ELF5: variants seen among roughly 807,000 people sequenced by gnomAD.
ELF5 encodes the protein ETS-related transcription factor Elf-5.
In ELF5, 31 loss-of-function variants were observed where a neutral mutation model predicts 38.2. The ratio of observed to expected loss-of-function variants is 0.81; its 90% CI spans 0.61 to 1.10. ELF5 has a LOEUF of 1.10. ELF5 is among the 50% of genes least tolerant of loss of function. ELF5 has a pLI of 0.00. For synonymous variants in ELF5, 121 were observed against 112.5 expected (o/e 1.08, Z -0.48); for missense variants, 300 against 306.6 (o/e 0.98, Z 0.16).
At chr11:34,509,761 C>T (rs1850705600) in intron 1 of ELF5, among the ~76,000 whole-genome samples, 1 of 152,134 alleles carries the variant, frequency 6.6e-6, no homozygotes, top group Non-Finnish European at 1.5e-5. Context: ...CAAATATATC[C>T]CTTTTCTTCT....
At chr11:34,490,137 G>A in intron 3 of ELF5, 78 bp from the exon 4 acceptor site, 2 of 1,452,708 alleles carry the variant, frequency 1.4e-6, no homozygotes, top group Non-Finnish European at 1.9e-6. Context: ...AGGGGGTGTT[G>A]GAGGGAAGTG....
chr11:34,503,917 A>G (rs958930219), intron 2 of ELF5, among the ~76,000 whole-genome samples: 14 of 152,248 alleles, frequency 9.2e-5, no homozygotes, highest in African/African-American at 3.4e-4. Context: ...TGAGAGGTTA[A>G]GATGACACAG....
chr11:34,505,519 C>T, intron 2 of ELF5, 110 bp downstream of exon 2: 1 of 1,524,396 alleles, frequency 6.6e-7, no homozygotes, highest in Non-Finnish European at 8.9e-7. Flanking sequence ...GCCCTGAACT[C>T]TGGTGTTCCT....
chr11:34,485,624 G>A (rs181912782), intron 4 of ELF5, among the ~76,000 whole-genome samples: 72 of 152,342 alleles, frequency 4.7e-4, no homozygotes, highest in Non-Finnish European at 8.1e-4. Context: ...CAGCATGAGA[G>A]GGGTTTATGA....
chr11:34,503,283 C>T lies in ELF5; in HGVS notation c.121+2346G>A, dbSNP rs779339151. ...AAGGGATCCTCCTGTCTCAGCCTCC[C>T]GAGTAGCTGGGACTACAGGTGCGTG... On this transcript the variant is annotated intron_variant, in intron 2 of 6. Coordinates refer to ENST00000257832, the MANE Select transcript of ELF5 (RefSeq NM_001422.4). 1.2e-3 allele frequency among the ~76,000 whole-genome samples: 190 copies of T among 152,020 alleles called. 2 individuals carry two copies. Among genetic ancestry groups the T allele is most frequent in the Non-Finnish European group, 1.9e-3 (130 of 67,994 alleles).
chr11:34,487,872 G>C (rs796869214), intron 4 of ELF5, among the ~76,000 whole-genome samples: 1 of 152,140 alleles, frequency 6.6e-6, no homozygotes, highest in Non-Finnish European at 1.5e-5. Flanking sequence ...AACTGGCCCC[G>C]TGTGGCTAGT....
chr11:34,499,047 C>T (rs1032959893), intron 2 of ELF5, among the ~76,000 whole-genome samples: 4 of 151,506 alleles, frequency 2.6e-5, no homozygotes, highest in Admixed American at 6.6e-5. Context: ...GCCGAGGTGG[C>T]GCCATTGCAC....
At position 34,493,627 on chromosome 11, in the gene ELF5, C is replaced by T; in HGVS notation, c.207G>A (p.Gln69=). 1 of 1,614,200 alleles carries T rather than the reference C, an allele frequency of 6.2e-7. No individual in the cohort carries two copies. The highest frequency in any genetic ancestry group is 8.5e-7 in the Non-Finnish European group (1 of 1,180,040). Residue 69 remains glutamine (Q), a synonymous_variant, in exon 3 of 7, where the codon CAG becomes CAA. Coordinates refer to ENST00000257832, the MANE Select transcript of ELF5 (RefSeq NM_001422.4). ...VWEWLQFCCD[Q]YKLDTNCISF... ...AGATGCAATTGGTGTCCAACTTGTA[C>T]TGGTCGCAGCAGAACTGGAGCCACT...
chr11:34,499,356 C>T (rs531707004), intron 2 of ELF5, among the ~76,000 whole-genome samples: 1 of 152,040 alleles, frequency 6.6e-6, no homozygotes, highest in Admixed American at 6.5e-5. Context: ...ATCCTCCTGC[C>T]TCAGCCTCTT....
At chr11:34,482,126 T>C (rs1193136232) in intron 5 of ELF5, among the ~76,000 whole-genome samples, 2 of 152,212 alleles carry the variant, frequency 1.3e-5, no homozygotes, top group African/African-American at 4.8e-5. Flanking sequence ...ATTCCAAAGC[T>C]AATGTTCACA....
At chr11:34,490,132 G>T (rs1850126846) in intron 3 of ELF5, 73 bp from the exon 4 acceptor site, 4 of 1,525,516 alleles carry the variant, frequency 2.6e-6, no homozygotes, top group South Asian at 2.2e-5. Context: ...AGGAGAGGGG[G>T]TGTTGGAGGG....
chr11:34,506,722 C>T (rs1358431481), intron 1 of ELF5, among the ~76,000 whole-genome samples: 1 of 152,040 alleles, frequency 6.6e-6, no homozygotes, highest in East Asian at 1.9e-4. Flanking sequence ...CCATGTTGGC[C>T]AGGCTGGTCT....
At chr11:34,501,909 A>AT (rs959315771) in intron 2 of ELF5, among the ~76,000 whole-genome samples, 4 of 151,038 alleles carry the variant, frequency 2.6e-5, no homozygotes, top group South Asian at 4.2e-4. Context: ...AAGGCACATC[A>AT]TTTTTTTTTC....
chr11:34,489,715 T>G (rs978734608), intron 4 of ELF5, among the ~76,000 whole-genome samples: 1 of 152,216 alleles, frequency 6.6e-6, no homozygotes, highest in Non-Finnish European at 1.5e-5. Context: ...CTGGGCTCTT[T>G]GTGTGCATCA....
chr11:34,498,096 A>G (rs1175159949), intron 2 of ELF5, among the ~76,000 whole-genome samples: 1 of 152,168 alleles, frequency 6.6e-6, no homozygotes, highest in African/African-American at 2.4e-5. Flanking sequence ...TTCCCCTTCA[A>G]AGTTGAAAGG....
At chr11:34,496,402 A>G (rs1464862621) in intron 2 of ELF5, among the ~76,000 whole-genome samples, 1 of 149,924 alleles carries the variant, frequency 6.7e-6, no homozygotes, top group African/African-American at 2.4e-5. Context: ...CGGGGGTCCC[A>G]TCCTCAGGAC....
chr11:34,481,106 T>A (rs1160853482), intron 5 of ELF5, 139 bp from the exon 6 acceptor site: 2 of 580,246 alleles, frequency 3.4e-6, no homozygotes, highest in African/African-American at 2.0e-5. Context: ...CACTGCAACC[T>A]CTGCCTCCTG....
At chr11:34,501,707 C>T (rs1850474921) in intron 2 of ELF5, among the ~76,000 whole-genome samples, 1 of 152,098 alleles carries the variant, frequency 6.6e-6, no homozygotes, top group Admixed American at 6.5e-5. Context: ...GACTGTCCAA[C>T]CTCCTGCCTG....
At chr11:34,512,278 A>G (rs947572499) in intron 1 of ELF5, among the ~76,000 whole-genome samples, 5 of 151,918 alleles carry the variant, frequency 3.3e-5, no homozygotes, top group African/African-American at 9.7e-5. Context: ...TTGTCAAGTG[A>G]TTCCTCATTT....
Sources: gnomAD v4.1 joint callset for allele counts (sites outside exome capture counted in the v4.1 genomes callset) on GRCh38, gnomAD v4.1.1 for gene constraint, MANE v1.5 for transcripts, NCBI Gene and HGNC (gene_info 2026-07-23, HGNC 2026-07-21) for gene names.